The following ZNF610 variants were observed in gnomAD, a reference collection of about 807,000 sequenced individuals.
ZNF610 encodes the protein zinc finger protein 610, also known as zink finger protein.
A neutral mutation model predicts 14.1 loss-of-function variants in ZNF610; 14 were observed. That is an observed-to-expected ratio of 0.99 (90% CI 0.65 to 1.55). The LOEUF (loss-of-function observed/expected upper bound fraction) is 1.55. Among genes scored for constraint, ZNF610 ranks in the 40% most tolerant of loss-of-function variants. The pLI, the probability that ZNF610 is intolerant of heterozygous loss-of-function variation, is 0.00. For synonymous variants in ZNF610, 185 were observed against 187.6 expected (o/e 0.99, Z 0.11); for missense variants, 530 against 558.0 (o/e 0.95, Z 0.51).
intron 5 of ZNF610, among the ~76,000 whole-genome samples, chr19:52,364,879 T>A (rs1437584386): frequency 6.6e-6 from 1 of 152,160 alleles, no homozygotes; most frequent in African/African-American, 2.4e-5. Context: ...CACCCAGCCG[T>A]ATTTTTTTTT....
rs552966995 is a variant in ZNF610 at position 52,365,801 on chromosome 19, C to T, written c.423C>T (p.Ala141=). 73 of 1,614,072 alleles carry T rather than the reference C, an allele frequency of 4.5e-5. No individual in the cohort carries two copies. The highest frequency in any genetic ancestry group is 8.8e-5 in the South Asian group (8 of 91,074). ...TGTCTGAATTGCAGCTGTTTCAAGC[C>T]GGAAGGAAAATTTACAGAAGTAATC... is the stretch of plus-strand genomic sequence containing the variant. The part of the protein sequence containing the change: ...AHLSELQLFQ[A]GRKIYRSNQV... The change falls in exon 6 of 6, where the codon GCC becomes GCT. Residue 141 remains alanine (A), a synonymous_variant. Coordinates refer to ENST00000403906, the MANE Select transcript of ZNF610 (RefSeq NM_001161425.2).
chr19:52,332,169 AG>A (rs1984230329), upstream of ZNF610, among the ~76,000 whole-genome samples: 1 of 152,172 alleles, frequency 6.6e-6, no homozygotes, highest in African/African-American at 2.4e-5. The surrounding 1 kb of genome is among the most constrained non-coding windows in gnomAD (Gnocchi z 4.1). Context: ...TTTCTGAATC[AG>A]GGTAACAAGG....
chr19:52,332,051 C>G (rs115894948), upstream of ZNF610, among the ~76,000 whole-genome samples: 13 of 152,142 alleles, frequency 8.5e-5, no homozygotes, highest in Non-Finnish European at 2.9e-5. The surrounding 1 kb of genome is among the most constrained non-coding windows in gnomAD (Gnocchi z 4.1). Context: ...CTGAAATTGA[C>G]AAGGTGAACA....
chr19:52,344,237 T>C (rs1217609953), intron 1 of ZNF610: 1 of 152,466 alleles, frequency 6.6e-6, no homozygotes, highest in Non-Finnish European at 1.5e-5. Context: ...TGCCTGGAAC[T>C]CTCTGGCCCC....
Position 52,366,371 on chromosome 19 carries a change from A to T in ZNF610, c.993A>T (p.Leu331=). 6.2e-7 allele frequency: 1 copy of T among 1,613,868 alleles called. No homozygotes were observed. The highest frequency in any genetic ancestry group is 8.5e-7 in the Non-Finnish European group (1 of 1,179,964). Residue 331 remains leucine (L), a synonymous_variant, in exon 6 of 6, where the codon CTA becomes CTT. Coordinates refer to ENST00000403906, the MANE Select transcript of ZNF610 (RefSeq NM_001161425.2). ...AGAACTTCAGGCACAAATTTTCTCT[A>T]ACCAATCATCAGAGAAGTCACACGG... The part of the protein sequence containing the change: ...CGKNFRHKFS[L]TNHQRSHTAE...
intron 1 of ZNF610, among the ~76,000 whole-genome samples, chr19:52,342,504 T>A (rs974898418): frequency 3.3e-5 from 5 of 151,722 alleles, no homozygotes; most frequent in African/African-American, 1.2e-4. Context: ...CTTCATAATT[T>A]AAAAAATCTG....
chr19:52,365,538 A>G (rs1669757289), intron 5 of ZNF610, among the ~76,000 whole-genome samples, 160 bp from the exon 6 acceptor site: 1 of 152,068 alleles, frequency 6.6e-6, no homozygotes, highest in South Asian at 2.1e-4. Flanking sequence ...CCAATGCATC[A>G]CGTCACCCCC....
At chr19:52,336,226 C>A (rs140743784), upstream of ZNF610, 2 of 238,878 alleles carry the variant, frequency 8.4e-6, no homozygotes, top group South Asian at 4.5e-5. Flanking sequence ...CTCTATGCTG[C>A]GCGCGCGCAG....
At chr19:52,343,722 G>A (rs1984798497) in intron 1 of ZNF610, among the ~76,000 whole-genome samples, 2 of 152,124 alleles carry the variant, frequency 1.3e-5, no homozygotes, top group South Asian at 4.1e-4. Context: ...ATACATTCCC[G>A]CTAGAGGGCA....
chr19:52,337,275 A>G (rs1984431337), intron 1 of ZNF610, among the ~76,000 whole-genome samples: 1 of 151,698 alleles, frequency 6.6e-6, no homozygotes, highest in South Asian at 2.1e-4. Context: ...AGGAGAGCAG[A>G]GGGAGAACCA....
intron 5 of ZNF610, among the ~76,000 whole-genome samples, chr19:52,363,126 CCTT>C (rs1985861764): frequency 6.8e-6 from 1 of 148,010 alleles, no homozygotes. Context: ...GGTTCTATCC[CCTT>C]TTTTTTTTTT....
intron 5 of ZNF610, among the ~76,000 whole-genome samples, chr19:52,360,763 G>T (rs973866138): frequency 6.6e-5 from 10 of 152,176 alleles, no homozygotes; most frequent in Non-Finnish European, 1.5e-4. Flanking sequence ...ACTTTCACAT[G>T]ATCATAGTGT....
chr19:52,330,994 A>G, the ZNF610 span, among the ~76,000 whole-genome samples: 2 of 152,292 alleles, frequency 1.3e-5, no homozygotes, highest in Non-Finnish European at 2.9e-5. Context: ...AAAAATTCCA[A>G]ATAACTCTTG....
At position 52,343,370 on chromosome 19, in the gene ZNF610, C is replaced by G. The variant is rs142411912; in HGVS notation, c.-257-4337C>G. Among the ~76,000 whole-genome samples the G allele has an allele frequency of 3.3e-3, 507 of 152,146 alleles. 5 individuals are homozygous for G. Among genetic ancestry groups the G allele is most frequent in the African/African-American group, 0.012 (488 of 41,522 alleles). On this transcript the variant is annotated intron_variant, in intron 1 of 5. Coordinates refer to ENST00000403906, the MANE Select transcript of ZNF610 (RefSeq NM_001161425.2). ...TAGCCAAAGATCACGCCCTGCACTC[C>G]AGCCTGTGCAACAGAATGAGACCCT...
At chr19:52,356,252 T>C (rs570852848) in intron 5 of ZNF610, among the ~76,000 whole-genome samples, 4 of 152,160 alleles carry the variant, frequency 2.6e-5, no homozygotes, top group African/African-American at 7.2e-5. Context: ...AGTAGGTGGC[T>C]CTTCTGAGAT....
intron 1 of ZNF610, among the ~76,000 whole-genome samples, chr19:52,346,101 C>T (rs1984941978): frequency 6.6e-6 from 1 of 151,430 alleles, no homozygotes. Flanking sequence ...TGGGTTCAAG[C>T]GATTCTCCTG....
intron 1 of ZNF610, among the ~76,000 whole-genome samples, chr19:52,340,670 A>AATTATTATT (rs34182877): frequency 4.9e-4 from 72 of 146,152 alleles, no homozygotes; most frequent in Middle Eastern, 3.5e-3. Context: ...TTGTCTAGGA[A>AATTATTATT]ATTATTATTA....
At chr19:52,359,619 T>G (rs1985683898) in intron 5 of ZNF610, among the ~76,000 whole-genome samples, 1 of 152,162 alleles carries the variant, frequency 6.6e-6, no homozygotes, top group Admixed American at 6.5e-5. Flanking sequence ...TTTCCTCTGC[T>G]CTCACGCCAC....
Position 52,366,747 on chromosome 19 carries a change from C to T in ZNF610, c.1369C>T (p.Arg457Cys), listed in dbSNP as rs756481819. The change falls in exon 6 of 6, where the codon CGT (arginine) becomes TGT (cysteine). Residue 457 changes from arginine to cysteine, a missense_variant. Arg to Cys is a radical substitution (Grantham distance 180). Coordinates refer to ENST00000403906, the MANE Select transcript of ZNF610 (RefSeq NM_001161425.2). Reference protein sequence around the residue: ...RKIHAGENSLRTLQME With the variant: ...RKIHAGENSLCTLQME ...AATTCATGCTGGAGAGAATTCACTG[C>T]GTACCTTACAGATGGAATGAATGTG... 9.9e-6 allele frequency: 16 copies of T among 1,612,272 alleles called. No homozygotes were observed. Among genetic ancestry groups the T allele is most frequent in the East Asian group, 4.5e-5 (2 of 44,860 alleles).
Sources: gnomAD v4.1 joint callset for allele counts (sites outside exome capture counted in the v4.1 genomes callset) on GRCh38, gnomAD v4.1.1 for gene constraint, Gnocchi (gnomAD v3.1) non-coding constraint, MANE v1.5 for transcripts, NCBI Gene and HGNC (gene_info 2026-07-23, HGNC 2026-07-21) for gene names.